Variants in CFAP92 observed in about 807,000 individuals in gnomAD.
CFAP92 encodes uncharacterized protein CFAP92.
In CFAP92, 86 loss-of-function variants were observed where a neutral mutation model predicts 106.3. The ratio of observed to expected loss-of-function variants is 0.81; its 90% CI spans 0.68 to 0.97. CFAP92 has a LOEUF of 0.97. Ranked by LOEUF, CFAP92 falls within the 50% of genes least tolerant of loss-of-function variation. The pLI is 0.00. For missense variants in CFAP92, 1,204 were observed against 1,283.8 expected (o/e 0.94, Z 0.95); for synonymous variants, 477 against 506.4 (o/e 0.94, Z 0.78).
chr3:128,945,283 C>A lies in CFAP92; in HGVS notation c.2046G>T (p.Met682Ile). 6.5e-7 allele frequency: 1 copy of A among 1,536,118 alleles called. No homozygotes were observed. Among genetic ancestry groups the A allele is most frequent in the South Asian group, 1.2e-5 (1 of 84,048 alleles). The change falls in exon 10 of 16, where the codon ATG becomes ATT. Residue 682 changes from methionine to isoleucine, a missense_variant. Transcript: ENST00000645291. ...LLHSLLQDIT[M>I]INAKALGLDS... ...CCAGGCCGAGGGCCTTAGCGTTGAT[C>A]ATGGTGATGTCCTGCAGCAGGCTGT...
chr3:128,991,968 A>G, intron 2 of CFAP92: 12 of 742,666 alleles, frequency 1.6e-5, no homozygotes, highest in Non-Finnish European at 2.0e-5. Flanking sequence ...GGTGGGAGAC[A>G]CTCAAAGACT....
At chr3:128,912,637 C>T (rs1336385626) in intron 15 of CFAP92, 18 of 1,571,652 alleles carry the variant, frequency 1.1e-5, no homozygotes, top group Non-Finnish European at 1.3e-5. Flanking sequence ...TGCTACCGCC[C>T]GCCCCTACCC....
At chr3:128,925,758 A>G (rs1937602269) in intron 12 of CFAP92, among the ~76,000 whole-genome samples, 1 of 152,206 alleles carries the variant, frequency 6.6e-6, no homozygotes, top group Non-Finnish European at 1.5e-5. Context: ...AAACATCATC[A>G]TAAAACTGCC....
At chr3:128,941,623 T>C (rs1445121960) in intron 10 of CFAP92, among the ~76,000 whole-genome samples, 2 of 152,074 alleles carry the variant, frequency 1.3e-5, no homozygotes, top group Non-Finnish European at 2.9e-5. Flanking sequence ...AATACAAGCA[T>C]GTGCCACCAC....
intron 11 of CFAP92, 27 bp downstream of exon 11, chr3:128,935,096 AGG>A: frequency 6.7e-7 from 1 of 1,487,156 alleles, no homozygotes; most frequent in Non-Finnish European, 8.9e-7. Context: ...GCCGGGGCGC[AGG>A]ACCACATGCG....
intron 12 of CFAP92, among the ~76,000 whole-genome samples, chr3:128,925,769 G>A (rs74602763): frequency 0.042 from 6,326 of 152,040 alleles, 174 homozygotes; most frequent in Non-Finnish European, 0.059. Flanking sequence ...TAAAACTGCC[G>A]AAAACCAAAG....
Position 128,910,273 on chromosome 3 carries a change from G to C in CFAP92, c.*26C>G. ...GGGAGGCTGTGCAGGTTCACCATGC[G>C]GTGGCCGTGGGAGGGTCTGTGCTGC... On this transcript the variant is annotated 3_prime_UTR_variant, in exon 16 of 16. Transcript: ENST00000645291. 1 of 1,529,176 alleles carries C rather than the reference G, an allele frequency of 6.5e-7. No individual in the cohort carries two copies. The highest frequency in any genetic ancestry group is 1.2e-5 in the South Asian group (1 of 82,422). 94.7% of individuals were successfully genotyped at this position (1,529,176 alleles called of 1,614,324 possible).
chr3:128,931,406 C>A (rs1034425961), intron 12 of CFAP92, among the ~76,000 whole-genome samples: 6 of 150,596 alleles, frequency 4.0e-5, no homozygotes, highest in African/African-American at 1.5e-4. Flanking sequence ...GCTTAAGCAA[C>A]CTGCCCACCT....
intron 9 of CFAP92, among the ~76,000 whole-genome samples, chr3:128,960,013 G>T (rs1559899477): frequency 1.3e-5 from 2 of 152,112 alleles, no homozygotes; most frequent in Non-Finnish European, 2.9e-5. Flanking sequence ...CCCTTAAGAA[G>T]GTTCTTTGTA....
intron 9 of CFAP92, among the ~76,000 whole-genome samples, chr3:128,948,954 A>G (rs1156705229): frequency 6.6e-6 from 1 of 152,266 alleles, no homozygotes; most frequent in African/African-American, 2.4e-5. Flanking sequence ...AAATAAACAC[A>G]TCAAAAGATG....
intron 9 of CFAP92, among the ~76,000 whole-genome samples, chr3:128,953,532 G>GAAAAAA (rs1345653023): frequency 6.7e-6 from 1 of 149,578 alleles, no homozygotes; most frequent in South Asian, 2.2e-4. Flanking sequence ...TAAAAAGAAA[G>GAAAAAA]AGGGATAATC....
At chr3:128,960,376 A>C (rs1035215354) in intron 9 of CFAP92, among the ~76,000 whole-genome samples, 2 of 152,274 alleles carry the variant, frequency 1.3e-5, no homozygotes, top group African/African-American at 2.4e-5. Context: ...CAGCCCAAGA[A>C]ACATCTCACC....
At chr3:128,919,563 A>G (rs1354077253) in intron 12 of CFAP92, among the ~76,000 whole-genome samples, 2 of 152,228 alleles carry the variant, frequency 1.3e-5, no homozygotes, top group African/African-American at 4.8e-5. Context: ...TCTATCTAAC[A>G]TCACTGGAGA....
At position 128,910,144 on chromosome 3, in the gene CFAP92, C is replaced by G. The variant is rs1057518752; in HGVS notation, c.*155G>C. The G allele has an allele frequency of 1.2e-6, 2 of 1,614,076 alleles. No individual in the cohort carries two copies. Among genetic ancestry groups the G allele is most frequent in the Non-Finnish European group, 1.7e-6 (2 of 1,180,046 alleles). On this transcript the variant is annotated 3_prime_UTR_variant, in exon 16 of 16. Transcript: ENST00000645291. ...CCGCATTGGGCTCCGCAACCACGACCACGAGGTGAGCCCAGCCCAGCCTCA... is the reference window on the plus strand; with the variant it reads ...CCGCATTGGGCTCCGCAACCACGACGACGAGGTGAGCCCAGCCCAGCCTCA...
the CFAP92 span, among the ~76,000 whole-genome samples, chr3:129,013,824 CA>C: frequency 6.6e-6 from 1 of 152,322 alleles, no homozygotes; most frequent in Admixed American, 6.5e-5. Context: ...GAACAGTAGT[CA>C]GGGGGCTGGA....
intron 9 of CFAP92, among the ~76,000 whole-genome samples, chr3:128,958,085 C>CT (rs1247927157): frequency 6.6e-6 from 1 of 152,202 alleles, no homozygotes. Context: ...AATTTTCCCC[C>CT]TTTCATAAGG....
At chr3:128,933,087 C>CA in intron 11 of CFAP92, 90 bp from the exon 12 acceptor site, 2 of 1,233,418 alleles carry the variant, frequency 1.6e-6, no homozygotes, top group Admixed American at 2.0e-5. Context: ...AATGAACACT[C>CA]AGAGGCTGCT....
At chr3:128,958,941 T>G (rs750207359) in intron 9 of CFAP92, among the ~76,000 whole-genome samples, 70 of 152,246 alleles carry the variant, frequency 4.6e-4, no homozygotes, top group Non-Finnish European at 8.7e-4. Context: ...TTGGACGCAG[T>G]GGCTGACACC....
intron 4 of CFAP92, among the ~76,000 whole-genome samples, chr3:128,984,703 C>T (rs185890050): frequency 2.6e-5 from 4 of 152,304 alleles, no homozygotes; most frequent in Non-Finnish European, 5.9e-5. Context: ...TTCATATATA[C>T]ATCTATCCTA....
Sources: gnomAD v4.1 joint callset for allele counts (sites outside exome capture counted in the v4.1 genomes callset) on GRCh38, gnomAD v4.1.1 for gene constraint, MANE v1.5 for transcripts, NCBI Gene and HGNC (gene_info 2026-07-23, HGNC 2026-07-21) for gene names.